Variants in BNIP5 observed in about 807,000 individuals in gnomAD.
The protein encoded by BNIP5 is protein BNIP5.
In BNIP5, 61 loss-of-function variants were observed where a neutral mutation model predicts 67.3. The observed-to-expected ratio is 0.91, with a 90% CI of 0.74 to 1.12. The LOEUF (loss-of-function observed/expected upper bound fraction) is 1.12, where lower values mean the gene tolerates loss of function less well. Among genes scored for constraint, BNIP5 ranks in the 50% most tolerant of loss-of-function variants. BNIP5 has a pLI of 0.00. For missense variants in BNIP5, 826 were observed against 816.3 expected (o/e 1.01, Z -0.14); for synonymous variants, 317 against 319.0 (o/e 0.99, Z 0.07).
intron 1 of BNIP5, among the ~76,000 whole-genome samples, chr6:36,333,096 A>T (rs1771940701): frequency 6.6e-6 from 1 of 152,236 alleles, no homozygotes; most frequent in Admixed American, 6.5e-5. Context: ...AGTGAAGAAG[A>T]TACAGAGAAA....
intron 8 of BNIP5, among the ~76,000 whole-genome samples, chr6:36,322,775 A>C (rs1771665819): frequency 6.6e-6 from 1 of 152,132 alleles, no homozygotes; most frequent in Non-Finnish European, 1.5e-5. Context: ...CCATCTGTTA[A>C]GTGGGAGTGA....
At chr6:36,324,575 TTATATATATATATATA>T (rs58409463) in intron 6 of BNIP5, among the ~76,000 whole-genome samples, 13 of 50,808 alleles carry the variant, frequency 2.6e-4, no homozygotes, top group East Asian at 7.7e-4. Flanking sequence ...GACGGTGATA[TTATATATATATATATA>T]TATATATATA....
rs376079446 is a variant in BNIP5, at chr6:36,326,540, C to T, written c.1006G>A (p.Gly336Ser). The T allele has an allele frequency of 1.4e-5, 23 of 1,614,118 alleles. No homozygotes were observed. The highest frequency in any genetic ancestry group is 1.9e-5 in the Non-Finnish European group (22 of 1,180,056). The change falls in exon 5 of 12, where the codon GGC becomes AGC. Residue 336 changes from glycine (G) to serine (S), a missense_variant. By Grantham distance (56) the Gly-to-Ser change is moderately conservative. Transcript: ENST00000437635. ...CTGCTGGAGATGGAAGGCCGATGGCCGCTGACACACAGGGGCAGAAAGCTG... is the reference window on the plus strand; with the variant it reads ...CTGCTGGAGATGGAAGGCCGATGGCTGCTGACACACAGGGGCAGAAAGCTG... Reference protein sequence around the residue: ...KSSFLPLCVSGHRPSISSSYG... With the variant: ...KSSFLPLCVSSHRPSISSSYG...
chr6:36,334,023 G>T (rs1468800136), intron 1 of BNIP5, among the ~76,000 whole-genome samples: 3 of 152,238 alleles, frequency 2.0e-5, no homozygotes, highest in Non-Finnish European at 4.4e-5. Flanking sequence ...TTAACGGGAA[G>T]AGAGATGCAG....
Position 36,323,063 on chromosome 6 carries a change from G to T in BNIP5, c.1471+230C>A, listed in dbSNP as rs553078175. Among the ~76,000 whole-genome samples the T allele has an allele frequency of 9.2e-5, 14 of 152,176 alleles. No homozygotes were observed. In the East Asian group the frequency reaches 2.5e-3, roughly 27 times the overall value. On this transcript the variant is annotated intron_variant, in intron 8 of 11. Coordinates refer to ENST00000437635, the MANE Select transcript of BNIP5 (RefSeq NM_001010903.5). ...TGTGTGTGGAGAGGGAGGGGAGGGC[G>T]TGTGCAGTGAGCAGGGCCTACTGGG...
chr6:36,336,361 A>G (rs1772016748), intron 1 of BNIP5, among the ~76,000 whole-genome samples: 1 of 152,176 alleles, frequency 6.6e-6, no homozygotes, highest in African/African-American at 2.4e-5. Context: ...ATGCTGCCCC[A>G]TCCTACAGAC....
intron 1 of BNIP5, among the ~76,000 whole-genome samples, chr6:36,331,778 C>A (rs962052693): frequency 2.0e-5 from 3 of 152,182 alleles, no homozygotes; most frequent in Non-Finnish European, 2.9e-5. Context: ...GATCAACCTA[C>A]CTCGGTCTCT....
In BNIP5 at chr6:36,330,109, C is replaced by A; in HGVS notation, c.582G>T (p.Gly194=). 6.2e-7 allele frequency: 1 copy of A among 1,609,476 alleles called. No homozygotes were observed. The highest frequency in any genetic ancestry group is 8.5e-7 in the Non-Finnish European group (1 of 1,179,622). The change falls in exon 2 of 12, where the codon GGG becomes GGT. Residue 194 remains glycine (G), a synonymous_variant. Coordinates refer to ENST00000437635, the MANE Select transcript of BNIP5 (RefSeq NM_001010903.5). ...TGCGAGCTGGGCCCAGGTCAGCCTCCCCGGAGCGCAAGGCAGCAGCTGCCT... is the reference window on the plus strand; with the variant it reads ...TGCGAGCTGGGCCCAGGTCAGCCTCACCGGAGCGCAAGGCAGCAGCTGCCT... ...LSKAAAALRS[G]EADLGPARRG... is the part of the protein sequence containing the mutation.
intron 1 of BNIP5, among the ~76,000 whole-genome samples, chr6:36,336,138 A>T (rs1164175971): frequency 1.3e-5 from 2 of 152,196 alleles, no homozygotes; most frequent in Non-Finnish European, 2.9e-5. Context: ...CTACATTCCC[A>T]TCCAAGAGAG....
intron 1 of BNIP5, among the ~76,000 whole-genome samples, chr6:36,333,602 G>C (rs1252795329): frequency 6.6e-6 from 1 of 152,222 alleles, no homozygotes; most frequent in African/African-American, 2.4e-5. Flanking sequence ...TCATGAACAA[G>C]ATGCAGTGTG....
At chr6:36,320,977 A>G (rs972570012) in intron 10 of BNIP5, among the ~76,000 whole-genome samples, 178 bp downstream of exon 10, 4 of 152,248 alleles carry the variant, frequency 2.6e-5, no homozygotes, top group Non-Finnish European at 5.9e-5. Context: ...CGTTTTCTAC[A>G]TATGCACTAA....
In BNIP5 at chr6:36,319,429, T is replaced by C. The variant is rs770586379; in HGVS notation, c.1850A>G (p.His617Arg). ...TAGGCCCATGAGGATGCACATGGCA[T>C]GGCTGTTGCTGCCAGCAAATTTGTT... ...LANKFAGSNS[H>R]AMCILMGLRD... is the part of the protein sequence containing the mutation. Residue 617 changes from histidine (H) to arginine (R), a missense_variant, in exon 11 of 12, where the codon CAT becomes CGT. Physicochemically the swap from His to Arg is conservative, Grantham distance 29 (BLOSUM62 0). Transcript: ENST00000437635. 12 of 1,614,148 alleles carry C rather than the reference T, an allele frequency of 7.4e-6. No homozygotes were observed. The South Asian group carries it at 1.1e-4, about 15-fold the overall frequency.
rs758231272 is a variant in BNIP5, at chr6:36,330,099, G to A, written c.592C>T (p.Leu198=). The A allele has an allele frequency of 1.2e-6, 2 of 1,607,066 alleles. No individual in the cohort carries two copies. Among genetic ancestry groups the A allele is most frequent in the Non-Finnish European group, 1.7e-6 (2 of 1,179,168 alleles). ...AAALRSGEAD[L]GPARRGGEDS... is the part of the protein sequence containing the mutation. ...CGCTCACCCCTGCGAGCTGGGCCCA[G>A]GTCAGCCTCCCCGGAGCGCAAGGCA... The change falls in exon 2 of 12, where the codon CTG becomes TTG. Residue 198 remains leucine, a synonymous_variant. Transcript: ENST00000437635.
intron 10 of BNIP5, 62 bp downstream of exon 10, chr6:36,321,093 T>A (rs1430557039): frequency 8.1e-6 from 6 of 740,634 alleles, no homozygotes; most frequent in Non-Finnish European, 1.2e-5. Flanking sequence ...GACTTGGGGA[T>A]GGAACCCAGG....
intron 4 of BNIP5, 48 bp downstream of exon 4, chr6:36,326,982 G>A: frequency 6.5e-7 from 1 of 1,539,208 alleles, no homozygotes; most frequent in Non-Finnish European, 9.0e-7. Context: ...AGAGGAGGAG[G>A]AGGAGAAGGC....
At chr6:36,335,235 G>T (rs1326546574) in intron 1 of BNIP5, among the ~76,000 whole-genome samples, 2 of 152,160 alleles carry the variant, frequency 1.3e-5, no homozygotes, top group Non-Finnish European at 2.9e-5. Flanking sequence ...TTGTTCACCT[G>T]GCCGCGTTAC....
In BNIP5 at chr6:36,323,453, C is replaced by T. The variant is rs142819587; in HGVS notation, c.1311G>A (p.Ser437=). 423 of 1,614,218 alleles carry T rather than the reference C, an allele frequency of 2.6e-4. No homozygotes were observed. Among genetic ancestry groups the T allele is most frequent in the Admixed American group, 5.8e-4 (35 of 60,026 alleles). ...TATGGTAAAACGCTCTCCTGAAGCT[C>T]GACCTTTTTTCTTGAGATTTCCTTC... The part of the protein sequence containing the change: ...HCRRKSQEKR[S]SFRRAFYHKK... The change falls in exon 8 of 12, where the codon TCG becomes TCA. Residue 437 remains serine (S), a synonymous_variant. Transcript: ENST00000437635.
In BNIP5 at chr6:36,325,377, T is replaced by C; in HGVS notation, c.1074A>G (p.Thr358=). 3.7e-6 allele frequency: 6 copies of C among 1,613,818 alleles called. No homozygotes were observed. Among genetic ancestry groups the C allele is most frequent in the Non-Finnish European group, 5.1e-6 (6 of 1,179,848 alleles). Residue 358 remains threonine, a synonymous_variant, in exon 6 of 12, where the codon ACA becomes ACG. Transcript: ENST00000437635. ...CGGAGGGACCTGGAGCCCCAGCCTC[T>C]GTAGATGGGGCCTCCTGGACTTTAG... ...EEPKVQEAPS[T]EAGAPGPSVL...
At position 36,321,217 on chromosome 6, in the gene BNIP5, C is replaced by T. The variant is rs1449684952; in HGVS notation, c.1606G>A (p.Glu536Lys). ...PQLSGACESKEIIIQKLVALL... is the reference protein window; with the variant it reads ...PQLSGACESKKIIIQKLVALL... ...GCCACAAGCTTCTGGATGATGATCT[C>T]CTCTAAGGAAAAGAAAGGAGGATTG... The change falls in exon 10 of 12, where the codon GAG (glutamate) becomes AAG (lysine). Residue 536 changes from glutamate to lysine, a missense_variant and splice_region_variant. Glu to Lys is a moderately conservative substitution (Grantham distance 56). Coordinates refer to ENST00000437635, the MANE Select transcript of BNIP5 (RefSeq NM_001010903.5). 1 of 1,594,884 alleles carries T rather than the reference C, an allele frequency of 6.3e-7. No homozygotes were observed. The highest frequency in any genetic ancestry group is 1.1e-5 in the South Asian group (1 of 87,684).
Sources: gnomAD v4.1 joint callset for allele counts (sites outside exome capture counted in the v4.1 genomes callset) on GRCh38, gnomAD v4.1.1 for gene constraint, MANE v1.5 for transcripts, NCBI Gene and HGNC (gene_info 2026-07-23, HGNC 2026-07-21) for gene names.